Variants in SIK3 observed in about 807,000 individuals in gnomAD.
SIK3 encodes the protein serine/threonine-protein kinase SIK3.
Under a neutral mutation model 144.2 loss-of-function variants are expected in SIK3, and 28 were observed. That is an observed-to-expected ratio of 0.19 (90% CI 0.14 to 0.27). The LOEUF is 0.27. SIK3 is among the 10% of genes least tolerant of loss of function. SIK3 has a pLI of 1.00. For synonymous variants in SIK3, 686 were observed against 676.3 expected (o/e 1.01, Z -0.22); for missense variants, 1,319 against 1,776.0 (o/e 0.74, Z 4.62).
chr11:116,878,897 T>C (rs1016026155), intron 6 of SIK3, among the ~76,000 whole-genome samples: 3 of 152,188 alleles, frequency 2.0e-5, no homozygotes, highest in African/African-American at 7.2e-5. Flanking sequence ...TCTTTAACCA[T>C]CTACTCTAAG....
chr11:117,080,536 C>T (rs757176180), intron 1 of SIK3, among the ~76,000 whole-genome samples: 3 of 151,854 alleles, frequency 2.0e-5, no homozygotes, highest in Admixed American at 6.6e-5. Flanking sequence ...AATAAGTCTA[C>T]GTGTTTTGAA....
chr11:117,031,023 T>C (rs2135796203), intron 1 of SIK3, among the ~76,000 whole-genome samples: 1 of 152,276 alleles, frequency 6.6e-6, no homozygotes, highest in Non-Finnish European at 1.5e-5. Context: ...TAATACTGAG[T>C]TTGGAGTTAT....
intron 1 of SIK3, among the ~76,000 whole-genome samples, chr11:116,989,837 G>T (rs1425871536): frequency 6.6e-6 from 1 of 152,142 alleles, no homozygotes; most frequent in Non-Finnish European, 1.5e-5. Context: ...GATAGTTTCT[G>T]AAAGTTTAAC....
chr11:116,873,714 G>A, intron 12 of SIK3, 78 bp from the exon 13 acceptor site: 1 of 1,496,476 alleles, frequency 6.7e-7, no homozygotes, highest in Non-Finnish European at 8.9e-7. Context: ...ACTCATCTAT[G>A]GAAATTAAGG....
intron 13 of SIK3, among the ~76,000 whole-genome samples, chr11:116,872,094 A>T (rs1253188288): frequency 2.6e-5 from 4 of 152,142 alleles, no homozygotes; most frequent in Non-Finnish European, 5.9e-5. Flanking sequence ...TCAAGGAACA[A>T]GCAGAAAGGA....
At chr11:116,954,540 G>A (rs757017118) in intron 2 of SIK3, among the ~76,000 whole-genome samples, 5 of 150,432 alleles carry the variant, frequency 3.3e-5, no homozygotes, top group Admixed American at 6.6e-5. Flanking sequence ...ACATAAGAAC[G>A]CCACAGAAAT....
intron 1 of SIK3, among the ~76,000 whole-genome samples, chr11:117,011,859 C>T (rs189213502): frequency 4.0e-4 from 61 of 152,154 alleles, no homozygotes; most frequent in South Asian, 3.7e-3. Context: ...GTAGTCCCAA[C>T]GACTGTGGCA....
At position 116,956,945 on chromosome 11, in the gene SIK3, T is replaced by C. The variant is rs377425373; in HGVS notation, c.390+3A>G. 2.0e-5 allele frequency: 31 copies of C among 1,579,004 alleles called. No individual in the cohort carries two copies. Among genetic ancestry groups the C allele is most frequent in the East Asian group, 2.3e-5 (1 of 44,376 alleles). On this transcript the variant is annotated splice_donor_region_variant and intron_variant, in intron 2 of 24. Transcript: ENST00000445177. ...GCTATCTGCTATACACTAATGATCC[T>C]ACCTGGTAGAGCCTGATGATATGGG...
rs1208844246 is a variant in SIK3 at position 117,056,547 on chromosome 11, A to C, written c.273+41596T>G. Among the ~76,000 whole-genome samples the C allele has an allele frequency of 5.1e-5, 4 of 78,392 alleles. No individual in the cohort carries two copies. In the South Asian group the frequency reaches 1.4e-3, roughly 28 times the overall value. 51.4% of individuals were successfully genotyped at this position (78,392 alleles called of 152,430 possible). The stretch of plus-strand genomic sequence containing the variant: ...AATAAAAATATATAGATAGATATAG[A>C]TATAGATATAGATATAGATATAGAT... On this transcript the variant is annotated intron_variant, in intron 1 of 24. Coordinates refer to ENST00000445177, the MANE Select transcript of SIK3 (RefSeq NM_001366686.3).
chr11:117,013,903 G>GTGTGTGTGTGTGTGTGT (rs1555127047), intron 1 of SIK3, among the ~76,000 whole-genome samples: 20 of 52,830 alleles, frequency 3.8e-4, no homozygotes, highest in African/African-American at 1.2e-3. Context: ...ATTCTGAGGG[G>GTGTGTGTGTGTGTGTGT]GGGGGGGGGA....
intron 21 of SIK3, among the ~76,000 whole-genome samples, chr11:116,853,122 G>A (rs1011424825): frequency 1.3e-5 from 2 of 152,180 alleles, no homozygotes; most frequent in African/African-American, 2.4e-5. Context: ...GAAAAATGAC[G>A]GTTGTTTGGG....
At chr11:116,960,267 T>A (rs1266352885) in intron 1 of SIK3, among the ~76,000 whole-genome samples, 1 of 152,156 alleles carries the variant, frequency 6.6e-6, no homozygotes, top group Non-Finnish European at 1.5e-5. Flanking sequence ...GGTTCACGCC[T>A]GTAATTCCAG....
At chr11:116,868,338 T>A (rs1467826144) in intron 14 of SIK3, among the ~76,000 whole-genome samples, 1 of 152,208 alleles carries the variant, frequency 6.6e-6, no homozygotes, top group Non-Finnish European at 1.5e-5. Context: ...AGAAAGTAGA[T>A]CTAGCTCACA....
intron 11 of SIK3, among the ~76,000 whole-genome samples, chr11:116,874,926 T>C (rs778973342): frequency 6.6e-6 from 1 of 152,218 alleles, no homozygotes; most frequent in Non-Finnish European, 1.5e-5. Flanking sequence ...CATGAAAGAC[T>C]ATTTTGGGAA....
At chr11:116,881,156 A>G (rs1361362943) in intron 6 of SIK3, among the ~76,000 whole-genome samples, 1 of 152,024 alleles carries the variant, frequency 6.6e-6, no homozygotes, top group Non-Finnish European at 1.5e-5. Flanking sequence ...AAATAAATAA[A>G]TAAAAAATAA....
chr11:116,855,326 A>T (rs1470857911), intron 21 of SIK3: 2 of 152,160 alleles, frequency 1.3e-5, no homozygotes, highest in African/African-American at 4.8e-5. Context: ...ACCAGGACCC[A>T]ACCCACAGGC....
At chr11:116,987,321 T>TAAAAAAAAAAAAAAAA (rs35342917) in intron 1 of SIK3, among the ~76,000 whole-genome samples, 1 of 137,272 alleles carries the variant, frequency 7.3e-6, no homozygotes. Context: ...CATAAAAGAT[T>TAAAAAAAAAAAAAAAA]AAAAAAAAAA....
At chr11:116,913,667 A>G (rs971264711) in intron 4 of SIK3, among the ~76,000 whole-genome samples, 1 of 152,262 alleles carries the variant, frequency 6.6e-6, no homozygotes, top group African/African-American at 2.4e-5. Flanking sequence ...ATTGTAAAGA[A>G]TATCAACAAG....
intron 1 of SIK3, chr11:117,035,826 C>G: frequency 6.5e-7 from 1 of 1,545,664 alleles, no homozygotes; most frequent in Non-Finnish European, 8.8e-7. Flanking sequence ...AAGGAACATC[C>G]TTCTGTAAGC....
Sources: allele counts gnomAD v4.1 joint callset (sites outside exome capture counted in the v4.1 genomes callset), GRCh38; gene constraint gnomAD v4.1.1; transcripts MANE v1.5; gene names NCBI Gene and HGNC (gene_info 2026-07-23, HGNC 2026-07-21).